PMS1: variants seen among roughly 807,000 people sequenced by gnomAD.
PMS1 encodes PMS1 homolog 1, mismatch repair system component.
A neutral mutation model predicts 93.1 loss-of-function variants in PMS1; 79 were observed. That is an observed-to-expected ratio of 0.85 (90% CI 0.71 to 1.02). PMS1 has a LOEUF of 1.02. PMS1 is among the 50% of genes least tolerant of loss of function. The pLI is 0.00. For missense variants in PMS1, 1,064 were observed against 1,085.3 expected (o/e 0.98, Z 0.28); for synonymous variants, 335 against 363.4 (o/e 0.92, Z 0.89).
intron 10 of PMS1, among the ~76,000 whole-genome samples, chr2:189,864,648 T>C (rs1433474058): frequency 7.4e-5 from 4 of 54,108 alleles, no homozygotes; most frequent in African/African-American, 2.4e-4. Context: ...AGAGCAAGAG[T>C]CTGTCTCAGA....
intron 3 of PMS1, among the ~76,000 whole-genome samples, chr2:189,803,402 A>G (rs913554622): frequency 1.3e-5 from 2 of 152,202 alleles, no homozygotes; most frequent in East Asian, 1.9e-4. Context: ...TTAATAACTG[A>G]TAACTAATAT....
chr2:189,877,198 C>T (rs2057649998), intron 12 of PMS1, 74 bp from the exon 13 acceptor site: 7 of 1,171,092 alleles, frequency 6.0e-6, no homozygotes, highest in Non-Finnish European at 8.9e-6. Context: ...ATTCTGTCTT[C>T]CTTTTTGCCA....
chr2:189,843,911 G>A, intron 5 of PMS1, 53 bp from the exon 6 acceptor site: 1 of 1,486,086 alleles, frequency 6.7e-7, no homozygotes, highest in Non-Finnish European at 9.4e-7. Context: ...GACTTCTTGA[G>A]TTTAGTAAAT....
intron 4 of PMS1, chr2:189,806,685 CTG>C (rs2050379422): frequency 5.0e-6 from 1 of 201,366 alleles, no homozygotes; most frequent in Admixed American, 6.0e-5. Context: ...ATGTGAGCCA[CTG>C]TGTTCAGCTG....
chr2:189,861,558 TG>T lies in PMS1; in HGVS notation c.1857-2183del, dbSNP rs1405737616. ...TGAAGTCAGAAGTTTGAGACCAGCC[TG>T]GCCAACATGGCGAAACCCCATCTCT... On this transcript the variant is annotated intron_variant, in intron 9 of 12. Transcript: ENST00000441310. 2.6e-5 allele frequency among the ~76,000 whole-genome samples: 4 copies of T among 152,190 alleles called. No homozygotes were observed. The East Asian group carries it at 5.8e-4, about 22-fold the overall frequency.
intron 5 of PMS1, among the ~76,000 whole-genome samples, chr2:189,840,626 G>T (rs533387186): frequency 6.6e-5 from 10 of 152,270 alleles, no homozygotes; most frequent in African/African-American, 2.2e-4. Flanking sequence ...CTATTTTGCT[G>T]TGCATTATGA....
rs550242160 is a variant in PMS1 at position 189,789,734 on chromosome 2, A to G, written c.-20-2056A>G. Among the ~76,000 whole-genome samples the G allele has an allele frequency of 1.5e-3, 228 of 152,288 alleles. 1 individual carries two copies. Among genetic ancestry groups the G allele is most frequent in the Non-Finnish European group, 3.0e-3 (203 of 68,028 alleles). On this transcript the variant is annotated intron_variant, in intron 1 of 12. Coordinates refer to ENST00000441310, the MANE Select transcript of PMS1 (RefSeq NM_000534.5). ...GCTATTTTATTTGCACCTAGATTGC[A>G]TAGGATTAAATCATCATAGGAGCAT...
chr2:189,793,172 G>A (rs1313967853), intron 2 of PMS1, among the ~76,000 whole-genome samples: 9 of 152,188 alleles, frequency 5.9e-5, no homozygotes, highest in Admixed American at 5.2e-4. Context: ...TAATTAGTAA[G>A]TAGTGGAGCT....
chr2:189,791,375 T>C (rs993065345), intron 1 of PMS1, among the ~76,000 whole-genome samples: 7 of 152,154 alleles, frequency 4.6e-5, no homozygotes, highest in African/African-American at 1.4e-4. Context: ...ATCTCAGTAC[T>C]TTGGGAGGCC....
chr2:189,829,875 A>G lies in PMS1; in HGVS notation c.582+11695A>G, dbSNP rs146381096. Among the ~76,000 whole-genome samples the G allele has an allele frequency of 7.9e-3, 1,209 of 152,310 alleles. 14 individuals carry two copies. Among genetic ancestry groups the G allele is most frequent in the African/African-American group, 0.026 (1,093 of 41,564 alleles). On this transcript the variant is annotated intron_variant, in intron 5 of 12. Transcript: ENST00000441310. ...TGTGACTACCACTGTGGTCCAAGCC[A>G]CCATTATCTGTCACCTGGATTTTTG...
chr2:189,840,933 A>C (rs2053770667), intron 5 of PMS1, among the ~76,000 whole-genome samples: 1 of 152,208 alleles, frequency 6.6e-6, no homozygotes, highest in Non-Finnish European at 1.5e-5. Flanking sequence ...CCTCAATTGG[A>C]GATTACACAG....
chr2:189,786,066 A>G (rs1214616571), intron 1 of PMS1, among the ~76,000 whole-genome samples: 1 of 152,154 alleles, frequency 6.6e-6, no homozygotes, highest in Non-Finnish European at 1.5e-5. Flanking sequence ...CAGAGGTTGC[A>G]GTGAGCCAAA....
intron 3 of PMS1, among the ~76,000 whole-genome samples, chr2:189,803,083 C>T (rs2050035441): frequency 1.3e-5 from 2 of 152,028 alleles, no homozygotes; most frequent in East Asian, 1.9e-4. Context: ...GCCATTCAGG[C>T]AAAAGTCTGT....
At chr2:189,835,479 A>G (rs1017144424) in intron 5 of PMS1, among the ~76,000 whole-genome samples, 1 of 152,180 alleles carries the variant, frequency 6.6e-6, no homozygotes, top group Non-Finnish European at 1.5e-5. Flanking sequence ...TGTGTTGCCA[A>G]TGTGGGAAAT....
At chr2:189,834,459 A>G (rs2053219184) in intron 5 of PMS1, among the ~76,000 whole-genome samples, 1 of 152,200 alleles carries the variant, frequency 6.6e-6, no homozygotes, top group Non-Finnish European at 1.5e-5. Context: ...AAAATAAGAT[A>G]ATTCTCATTG....
chr2:189,858,576 A>T (rs1379968744), intron 9 of PMS1, among the ~76,000 whole-genome samples: 1 of 152,138 alleles, frequency 6.6e-6, no homozygotes, highest in African/African-American at 2.4e-5. Context: ...CCATATGTGA[A>T]AATTTGCACA....
intron 5 of PMS1, among the ~76,000 whole-genome samples, chr2:189,818,514 C>G (rs916220987): frequency 6.6e-6 from 1 of 152,168 alleles, no homozygotes; most frequent in South Asian, 2.1e-4. Context: ...TGGACTTACT[C>G]AGCCTCCAAA....
intron 6 of PMS1, among the ~76,000 whole-genome samples, chr2:189,845,137 C>T (rs1559291149): frequency 6.6e-6 from 1 of 152,290 alleles, no homozygotes; most frequent in Non-Finnish European, 1.5e-5. Flanking sequence ...GGATTATAGG[C>T]GTGAGCCACC....
intron 4 of PMS1, among the ~76,000 whole-genome samples, chr2:189,810,760 C>A (rs184658123): frequency 1.3e-5 from 2 of 152,224 alleles, no homozygotes; most frequent in Admixed American, 1.3e-4. Context: ...AGATAAACTC[C>A]TAGTTAGATT....
Sources: allele counts gnomAD v4.1 joint callset (sites outside exome capture counted in the v4.1 genomes callset), GRCh38; gene constraint gnomAD v4.1.1; transcripts MANE v1.5; gene names NCBI Gene and HGNC (gene_info 2026-07-23, HGNC 2026-07-21).